Variants in CCDC152 observed in about 807,000 individuals in gnomAD.
CCDC152 encodes coiled-coil domain-containing protein 152.
A neutral mutation model predicts 38.1 loss-of-function variants in CCDC152; 37 were observed. That is an observed-to-expected ratio of 0.97 (90% CI 0.75 to 1.28). The LOEUF is 1.28. Among genes scored for constraint, CCDC152 ranks in the 50% most tolerant of loss-of-function variants. The pLI, the probability that CCDC152 is intolerant of heterozygous loss-of-function variation, is 0.00. For synonymous variants in CCDC152, 83 were observed against 87.1 expected, an observed-to-expected ratio of 0.95 and a Z score of 0.26; for missense variants, 259 against 292.1, an observed-to-expected ratio of 0.89 and a Z score of 0.83.
intron 2 of CCDC152, among the ~76,000 whole-genome samples, chr5:42,761,209 GT>G: frequency 6.6e-6 from 1 of 152,176 alleles, no homozygotes; most frequent in East Asian, 1.9e-4. Flanking sequence ...GGTCAAGAAT[GT>G]TTAACCATTA....
chr5:42,783,021 C>CT (rs1204140911), intron 5 of CCDC152, among the ~76,000 whole-genome samples: 1 of 151,822 alleles, frequency 6.6e-6, no homozygotes, highest in Non-Finnish European at 1.5e-5. Flanking sequence ...AGGTGCCCAC[C>CT]ACCACGCCCA....
chr5:42,770,484 C>T (rs910378738), intron 4 of CCDC152, among the ~76,000 whole-genome samples: 1 of 147,164 alleles, frequency 6.8e-6, no homozygotes, highest in African/African-American at 2.5e-5. Flanking sequence ...TATTCTGTTC[C>T]ATAATCTACA....
At chr5:42,772,649 C>A (rs374083307) in intron 4 of CCDC152, among the ~76,000 whole-genome samples, 652 of 128,196 alleles carry the variant, frequency 5.1e-3, no homozygotes, top group South Asian at 7.9e-3. Flanking sequence ...GACTCCGTCT[C>A]AAAAAAAAAA....
intron 4 of CCDC152, among the ~76,000 whole-genome samples, chr5:42,773,532 T>G (rs1279633677): frequency 6.6e-6 from 1 of 152,200 alleles, no homozygotes; most frequent in African/African-American, 2.4e-5. Flanking sequence ...TGTATGGCCA[T>G]GTAGTACAGT....
At chr5:42,773,948 A>G (rs1343711196) in intron 4 of CCDC152, among the ~76,000 whole-genome samples, 2 of 152,254 alleles carry the variant, frequency 1.3e-5, no homozygotes, top group African/African-American at 2.4e-5. Flanking sequence ...ATAGAATTCT[A>G]ACTTTAATGA....
In CCDC152 at chr5:42,799,659, A is replaced by T; in HGVS notation, c.643A>T (p.Lys215Ter). The T allele has an allele frequency of 6.5e-7, 1 of 1,540,258 alleles. No homozygotes were observed. The highest frequency in any genetic ancestry group is 8.8e-7 in the Non-Finnish European group (1 of 1,142,032). The change falls in exon 9 of 9, where the codon AAA becomes TAA. Residue 215 changes from lysine to a stop codon, truncating the protein, a stop_gained and splice_region_variant. Transcript: ENST00000361970. LOFTEE classifies it high-confidence loss of function. ...ATAACAAATTTTTTGTTTCGTTTAG[A>T]AACTTCAGCATTTTCAAGAAGAAAA... ...TVLPQSIYRR[K>*]LQHFQEEKNK...
intron 4 of CCDC152, among the ~76,000 whole-genome samples, chr5:42,772,111 C>G (rs1259164529): frequency 6.6e-6 from 1 of 152,118 alleles, no homozygotes; most frequent in Non-Finnish European, 1.5e-5. Context: ...TCTGTATACA[C>G]AGATCAATCA....
At chr5:42,780,092 A>T (rs1446124334) in intron 5 of CCDC152, among the ~76,000 whole-genome samples, 2 of 152,140 alleles carry the variant, frequency 1.3e-5, no homozygotes, top group Non-Finnish European at 2.9e-5. Flanking sequence ...TGCTAAATAA[A>T]TGTCAGTTCC....
intron 4 of CCDC152, among the ~76,000 whole-genome samples, chr5:42,778,455 TTCAA>T (rs1189422425): frequency 6.6e-6 from 1 of 152,152 alleles, no homozygotes; most frequent in Non-Finnish European, 1.5e-5. Context: ...CATGAAAACT[TTCAA>T]TCAAATAGGA....
chr5:42,782,043 CT>C (rs1393754150), intron 5 of CCDC152, among the ~76,000 whole-genome samples: 2 of 152,184 alleles, frequency 1.3e-5, no homozygotes, highest in Admixed American at 6.5e-5. Context: ...TAAATCACCC[CT>C]ATCCTTCAAC....
At chr5:42,758,264 G>A (rs1361837242) in intron 1 of CCDC152, among the ~76,000 whole-genome samples, 1 of 152,152 alleles carries the variant, frequency 6.6e-6, no homozygotes, top group South Asian at 2.1e-4. Context: ...ATCTGTTTTG[G>A]TTAACTTCCT....
At chr5:42,794,456 AT>A (rs1760047472) in intron 6 of CCDC152, among the ~76,000 whole-genome samples, 1 of 152,170 alleles carries the variant, frequency 6.6e-6, no homozygotes, top group Non-Finnish European at 1.5e-5. Context: ...TACTGAGATG[AT>A]CCTTTGATAA....
Position 42,783,506 on chromosome 5 carries a change from T to G in CCDC152, c.360T>G (p.Ser120Arg). The part of the protein sequence containing the change: ...EYKNNIAKLV[S>R]EMKIKEEGYK... ...AGAATAATATTGCCAAACTTGTAAG[T>G]GAAATGAAAATCAAAGAGGAGGGAT... is the stretch of plus-strand genomic sequence containing the variant. The change falls in exon 6 of 9, where the codon AGT becomes AGG. Residue 120 changes from serine (S) to arginine (R), a missense_variant. Transcript: ENST00000361970. 1 of 1,375,956 alleles carries G rather than the reference T, an allele frequency of 7.3e-7. No individual in the cohort carries two copies. Among genetic ancestry groups the G allele is most frequent in the Non-Finnish European group, 9.5e-7 (1 of 1,051,998 alleles). The allele number at this position is 1,375,956 out of a possible 1,614,324, so 85.2% of individuals were successfully genotyped here.
intron 4 of CCDC152, among the ~76,000 whole-genome samples, chr5:42,770,612 C>T (rs940590731): frequency 6.6e-6 from 1 of 151,974 alleles, no homozygotes; most frequent in Non-Finnish European, 1.5e-5. Context: ...ATTGCTTGGG[C>T]TATTTGAGGT....
intron 4 of CCDC152, among the ~76,000 whole-genome samples, chr5:42,773,645 T>C (rs1759729904): frequency 6.6e-6 from 1 of 152,162 alleles, no homozygotes; most frequent in East Asian, 1.9e-4. Context: ...AAAACATATA[T>C]TGAGGACAAT....
At chr5:42,761,839 A>G (rs1453829700) in intron 2 of CCDC152, among the ~76,000 whole-genome samples, 3 of 152,148 alleles carry the variant, frequency 2.0e-5, no homozygotes, top group African/African-American at 7.2e-5. Flanking sequence ...GTTAGGTCAT[A>G]TTTTTACTTT....
At chr5:42,774,731 T>C (rs575600620) in intron 4 of CCDC152, among the ~76,000 whole-genome samples, 2 of 152,116 alleles carry the variant, frequency 1.3e-5, no homozygotes, top group Admixed American at 1.3e-4. Context: ...TTGAGCTTTG[T>C]ACAAAAAATT....
At chr5:42,790,664 G>A (rs1055496146) in intron 6 of CCDC152, among the ~76,000 whole-genome samples, 3 of 152,156 alleles carry the variant, frequency 2.0e-5, no homozygotes, top group Non-Finnish European at 2.9e-5. Context: ...GTGAAGAAGA[G>A]AAGAAAAGAA....
At chr5:42,779,740 T>A (rs1354906727) in intron 5 of CCDC152, among the ~76,000 whole-genome samples, 1 of 151,876 alleles carries the variant, frequency 6.6e-6, no homozygotes, top group Admixed American at 6.6e-5. Flanking sequence ...TTACAAAATA[T>A]AATGTACTAA....
Sources: allele counts gnomAD v4.1 joint callset (sites outside exome capture counted in the v4.1 genomes callset), GRCh38; gene constraint gnomAD v4.1.1; transcripts MANE v1.5; gene names NCBI Gene and HGNC (gene_info 2026-07-23, HGNC 2026-07-21).